Variants in FIRRM observed in about 807,000 individuals in gnomAD.
FIRRM encodes FIGNL1 interacting regulator of recombination and mitosis, also known as FIGNL1-interacting regulator of recombination and mitosis.
chr1:169,813,393 C>T, the FIRRM span, among the ~76,000 whole-genome samples: 4 of 152,138 alleles, frequency 2.6e-5, no homozygotes, highest in Admixed American at 1.3e-4. Flanking sequence ...TTGGCACTAC[C>T]CACTGTTTTA....
chr1:169,823,250 CAAAAA>C, the FIRRM span, among the ~76,000 whole-genome samples: 9 of 108,382 alleles, frequency 8.3e-5, no homozygotes, highest in East Asian at 2.3e-3. Context: ...AACGCTATCT[CAAAAA>C]AAAAAAAAGA....
the FIRRM span, among the ~76,000 whole-genome samples, chr1:169,811,773 CTAAATAGATAATAGA>C: frequency 6.7e-6 from 1 of 149,814 alleles, no homozygotes; most frequent in South Asian, 2.1e-4. Context: ...GACAGATTAT[CTAAATAGATAATAGA>C]CAGATTATCT....
the FIRRM span, among the ~76,000 whole-genome samples, chr1:169,820,676 G>A: frequency 3.0e-4 from 46 of 152,284 alleles, no homozygotes; most frequent in African/African-American, 1.1e-3. Flanking sequence ...CCGTAAGTTA[G>A]GCCTCTAACC....
chr1:169,842,691 C>CT, the FIRRM span: 1 of 816,964 alleles, frequency 1.2e-6, no homozygotes, highest in African/African-American at 1.7e-5. Flanking sequence ...CCTGTACTCT[C>CT]TCACGCAGCT....
the FIRRM span, among the ~76,000 whole-genome samples, chr1:169,816,674 T>TG: frequency 6.6e-6 from 1 of 152,182 alleles, no homozygotes; most frequent in Non-Finnish European, 1.5e-5. Flanking sequence ...CAAGATAACT[T>TG]GGGGCTCCTG....
chr1:169,797,547 T>G, the FIRRM span, among the ~76,000 whole-genome samples: 2 of 151,074 alleles, frequency 1.3e-5, no homozygotes, highest in Non-Finnish European at 1.5e-5. Flanking sequence ...GGACTATGGG[T>G]TTTTTTTTGT....
chr1:169,792,778 G>A, the FIRRM span: 9 of 1,612,744 alleles, frequency 5.6e-6, no homozygotes, highest in East Asian at 4.5e-5. Flanking sequence ...GGAAAGTCTG[G>A]TGCAAATTAC....
the FIRRM span, among the ~76,000 whole-genome samples, chr1:169,804,961 G>A: frequency 1.3e-5 from 2 of 152,216 alleles, no homozygotes; most frequent in African/African-American, 4.8e-5. Context: ...GGGATTACAG[G>A]CATGAGCCAC....
the FIRRM span, chr1:169,847,735 T>C: frequency 6.2e-7 from 1 of 1,613,724 alleles, no homozygotes; most frequent in Admixed American, 1.7e-5. Context: ...GCTTCCTGAC[T>C]ATGTTCGTTT....
the FIRRM span, chr1:169,851,538 A>G: frequency 2.5e-6 from 1 of 398,362 alleles, no homozygotes; most frequent in South Asian, 3.5e-5. Flanking sequence ...GTACATGTGT[A>G]TACACTGCTG....
chr1:169,828,165 A>G, the FIRRM span, among the ~76,000 whole-genome samples: 1 of 152,188 alleles, frequency 6.6e-6, no homozygotes, highest in Admixed American at 6.5e-5. Context: ...AACACTAGAC[A>G]CTGTAAGGTA....
chr1:169,841,655 T>C, the FIRRM span, among the ~76,000 whole-genome samples: 4 of 152,204 alleles, frequency 2.6e-5, no homozygotes, highest in Non-Finnish European at 5.9e-5. Context: ...GTACTATCTT[T>C]GCTTATTAAA....
At chr1:169,841,233 G>A in the FIRRM span, among the ~76,000 whole-genome samples, 1 of 152,100 alleles carries the variant, frequency 6.6e-6, no homozygotes, top group East Asian at 1.9e-4. Context: ...CTTTAATTCT[G>A]CTTATGTGGT....
chr1:169,792,082 G>A, the FIRRM span, among the ~76,000 whole-genome samples: 2 of 152,032 alleles, frequency 1.3e-5, no homozygotes, highest in African/African-American at 4.8e-5. Flanking sequence ...TCATCTCCAT[G>A]TGAATTTAGT....
the FIRRM span, among the ~76,000 whole-genome samples, chr1:169,813,664 G>A: frequency 3.8e-3 from 571 of 152,236 alleles, 2 homozygotes; most frequent in South Asian, 6.4e-3. Flanking sequence ...CCAATTGTTC[G>A]GTATGTCCAC....
the FIRRM span, among the ~76,000 whole-genome samples, chr1:169,835,096 A>G: frequency 6.6e-6 from 1 of 152,328 alleles, no homozygotes; most frequent in Non-Finnish European, 1.5e-5. Flanking sequence ...GAAGTGAGCA[A>G]TGAAACTTGA....
chr1:169,833,424 C>T, the FIRRM span, among the ~76,000 whole-genome samples: 2 of 152,124 alleles, frequency 1.3e-5, no homozygotes, highest in Non-Finnish European at 2.9e-5. Context: ...TTATGGTCCT[C>T]GGTTTGAATC....
chr1:169,850,412 T>A, the FIRRM span: 1 of 1,082,312 alleles, frequency 9.2e-7, no homozygotes, highest in Non-Finnish European at 1.4e-6. Flanking sequence ...ATTATGTAAC[T>A]GTAACCAACC....
At chr1:169,852,992 T>TATC in the FIRRM span, 1 of 1,609,654 alleles carries the variant, frequency 6.2e-7, no homozygotes, top group African/African-American at 1.4e-5. Flanking sequence ...GGGTGAAACT[T>TATC]ATCACTAGGC....
Sources: allele counts gnomAD v4.1 joint callset (sites outside exome capture counted in the v4.1 genomes callset), GRCh38; gene constraint gnomAD v4.1.1; transcripts MANE v1.5; gene names NCBI Gene and HGNC (gene_info 2026-07-23, HGNC 2026-07-21).